CNTN1: variants seen among roughly 807,000 people sequenced by gnomAD.
The protein encoded by CNTN1 is contactin-1.
Under a neutral mutation model 126.4 loss-of-function variants are expected in CNTN1, and 38 were observed. The ratio of observed to expected loss-of-function variants is 0.30; its 90% CI spans 0.23 to 0.39. CNTN1 has a LOEUF of 0.39. Ranked by LOEUF, CNTN1 falls within the 10% of genes least tolerant of loss-of-function variation. The probability of loss-of-function intolerance (pLI) is 1.00; values close to 1 mark genes in which losing one functional copy is unlikely to be tolerated. For synonymous variants in CNTN1, 413 were observed against 422.6 expected (o/e 0.98, Z 0.28); for missense variants, 1,009 against 1,248.4 (o/e 0.81, Z 2.89).
At chr12:40,911,111 C>T (rs973293592) in intron 3 of CNTN1, among the ~76,000 whole-genome samples, 3 of 152,060 alleles carry the variant, frequency 2.0e-5, no homozygotes, top group Non-Finnish European at 4.4e-5. Context: ...GATGGAGTCT[C>T]GCTCTGTCAC....
chr12:41,065,349 C>T (rs1321158504), intron 23 of CNTN1, among the ~76,000 whole-genome samples: 1 of 152,144 alleles, frequency 6.6e-6, no homozygotes, highest in Non-Finnish European at 1.5e-5. Flanking sequence ...GCCACCGCAC[C>T]CGGCCTCATT....
chr12:41,035,567 T>C (rs1949240843), intron 23 of CNTN1, among the ~76,000 whole-genome samples: 1 of 152,092 alleles, frequency 6.6e-6, no homozygotes, highest in Non-Finnish European at 1.5e-5. Flanking sequence ...AATAAAACAA[T>C]TAGATTTAAT....
intron 1 of CNTN1, among the ~76,000 whole-genome samples, chr12:40,800,324 C>T (rs1425159075): frequency 1.3e-5 from 2 of 151,904 alleles, no homozygotes; most frequent in Non-Finnish European, 2.9e-5. Context: ...CCCAGCAATG[C>T]AGAACTGTGA....
chr12:41,041,597 G>C (rs1220286175), intron 23 of CNTN1, among the ~76,000 whole-genome samples: 1 of 151,902 alleles, frequency 6.6e-6, no homozygotes, highest in African/African-American at 2.4e-5. Flanking sequence ...TTCAGAGCCT[G>C]TTATTGGTCT....
intron 15 of CNTN1, among the ~76,000 whole-genome samples, chr12:40,978,218 G>T (rs1362481417): frequency 6.6e-6 from 1 of 152,062 alleles, no homozygotes; most frequent in Non-Finnish European, 1.5e-5. Flanking sequence ...ACTGAAAGCT[G>T]AGTCTATCTT....
chr12:40,852,462 C>T (rs893753198), intron 1 of CNTN1, among the ~76,000 whole-genome samples: 1 of 152,050 alleles, frequency 6.6e-6, no homozygotes, highest in African/African-American at 2.4e-5. Context: ...AAGCTCTTTA[C>T]CAGATTTCCT....
chr12:41,007,159 A>C (rs1948517828), intron 17 of CNTN1, among the ~76,000 whole-genome samples: 1 of 136,798 alleles, frequency 7.3e-6, no homozygotes, highest in South Asian at 2.3e-4. Flanking sequence ...TCCCGGGTTC[A>C]CGCCATTCTC....
intron 1 of CNTN1, among the ~76,000 whole-genome samples, chr12:40,805,609 C>T (rs149474334): frequency 2.6e-5 from 4 of 152,172 alleles, no homozygotes; most frequent in East Asian, 3.9e-4. Flanking sequence ...GCATTTTAAT[C>T]GCTGATATTT....
At chr12:40,791,588 C>A (rs1190405221) in intron 1 of CNTN1, among the ~76,000 whole-genome samples, 1 of 152,112 alleles carries the variant, frequency 6.6e-6, no homozygotes, top group African/African-American at 2.4e-5. Context: ...TAGTCATACA[C>A]CTATATTTTA....
chr12:40,894,114 C>A (rs1210414322), intron 1 of CNTN1, among the ~76,000 whole-genome samples: 2 of 152,078 alleles, frequency 1.3e-5, no homozygotes, highest in African/African-American at 4.8e-5. Flanking sequence ...CTGGTTCATA[C>A]CCTCCTTGAA....
chr12:40,865,547 AT>A (rs577819315), intron 1 of CNTN1, among the ~76,000 whole-genome samples: 1 of 151,594 alleles, frequency 6.6e-6, no homozygotes, highest in Non-Finnish European at 1.5e-5. Flanking sequence ...GTCCAAACTT[AT>A]TTTTTTTGTA....
At chr12:41,053,736 T>G (rs576092206) in intron 23 of CNTN1, among the ~76,000 whole-genome samples, 2 of 151,446 alleles carry the variant, frequency 1.3e-5, no homozygotes, top group African/African-American at 4.8e-5. Flanking sequence ...AATATAATGC[T>G]AGCTCATATT....
intron 17 of CNTN1, among the ~76,000 whole-genome samples, chr12:40,996,764 C>T (rs1948228761): frequency 6.6e-6 from 1 of 152,160 alleles, no homozygotes; most frequent in African/African-American, 2.4e-5. Flanking sequence ...AATTTCTCTA[C>T]TGTTTTGCCA....
intron 1 of CNTN1, among the ~76,000 whole-genome samples, chr12:40,901,511 A>T (rs1944607890): frequency 6.6e-6 from 1 of 152,178 alleles, no homozygotes; most frequent in African/African-American, 2.4e-5. Flanking sequence ...AAGTTCAAGA[A>T]TTATTGTAGT....
chr12:40,892,963 G>GGC (rs10696014), intron 1 of CNTN1, among the ~76,000 whole-genome samples: 13 of 141,476 alleles, frequency 9.2e-5, no homozygotes, highest in African/African-American at 3.6e-4. Context: ...ACTGGGGGGG[G>GGC]TGAATAAACA....
rs544578155 is a variant in CNTN1, at chr12:40,839,159, G to A, written c.-76-69198G>A. ...ACATTTGAAAGTATCAAAACTGGAA[G>A]CTAGATCAGGCAGAAGAAATAATCT... On this transcript the variant is annotated intron_variant, in intron 1 of 23. Coordinates refer to ENST00000551295, the MANE Select transcript of CNTN1 (RefSeq NM_001843.4). Among the ~76,000 whole-genome samples, 7 of 152,250 alleles carry A rather than the reference G, an allele frequency of 4.6e-5. No homozygotes were observed. The South Asian group carries it at 1.2e-3, about 27-fold the overall frequency.
At chr12:40,696,785 C>T (rs1453121991) in intron 1 of CNTN1, among the ~76,000 whole-genome samples, 2 of 152,098 alleles carry the variant, frequency 1.3e-5, no homozygotes, top group African/African-American at 4.8e-5. Context: ...ATTATAAGGA[C>T]ATCTAAAATC....
At chr12:41,019,847 G>C (rs189377959) in intron 19 of CNTN1, among the ~76,000 whole-genome samples, 2 of 152,022 alleles carry the variant, frequency 1.3e-5, no homozygotes, top group African/African-American at 2.4e-5. Context: ...CACACAAATA[G>C]CAAATAAGAG....
chr12:40,782,303 A>G (rs1939833582), intron 1 of CNTN1, among the ~76,000 whole-genome samples: 1 of 151,940 alleles, frequency 6.6e-6, no homozygotes, highest in South Asian at 2.1e-4. Context: ...CTTTGAAAAA[A>G]TAAAAAAAAG....
Sources: allele counts gnomAD v4.1 joint callset (sites outside exome capture counted in the v4.1 genomes callset), GRCh38; gene constraint gnomAD v4.1.1; transcripts MANE v1.5; gene names NCBI Gene and HGNC (gene_info 2026-07-23, HGNC 2026-07-21).